The following LUC7L variants were observed in gnomAD, a reference collection of about 807,000 sequenced individuals.
LUC7L encodes the protein putative RNA-binding protein Luc7-like 1.
In LUC7L, 29 loss-of-function variants were observed where a neutral mutation model predicts 51.1. The ratio of observed to expected loss-of-function variants is 0.57; its 90% CI spans 0.42 to 0.77. LUC7L has a LOEUF of 0.77. LUC7L is among the 30% of genes least tolerant of loss of function. LUC7L has a pLI of 0.00. For synonymous variants in LUC7L, 181 were observed against 180.7 expected, an observed-to-expected ratio of 1.00 and a Z score of -0.01; for missense variants, 403 against 511.9, an observed-to-expected ratio of 0.79 and a Z score of 2.05.
chr16:189,873 C>A, intron 9 of LUC7L, 95 bp downstream of exon 9: 6 of 1,529,562 alleles, frequency 3.9e-6, no homozygotes, highest in Non-Finnish European at 5.3e-6. Flanking sequence ...GTGAGCCCAG[C>A]CCCATCCCCA....
chr16:192,896 C>G (rs1225509279), intron 7 of LUC7L, 31 bp downstream of exon 7: 1 of 1,576,602 alleles, frequency 6.3e-7, no homozygotes, highest in Non-Finnish European at 8.7e-7. Flanking sequence ...GAGGCCAATG[C>G]AGGCCATCCA....
At chr16:198,601 A>G (rs1835485709) in intron 6 of LUC7L, among the ~76,000 whole-genome samples, 1 of 152,132 alleles carries the variant, frequency 6.6e-6, no homozygotes, top group Non-Finnish European at 1.5e-5. Flanking sequence ...TTGGACTCTG[A>G]GCTATCATGT....
chr16:199,588 A>G (rs948067977), intron 5 of LUC7L, among the ~76,000 whole-genome samples: 6 of 151,764 alleles, frequency 4.0e-5, no homozygotes, highest in Non-Finnish European at 8.8e-5. Context: ...CCTGACCAAC[A>G]TGGAGAAACC....
intron 5 of LUC7L, among the ~76,000 whole-genome samples, chr16:200,808 G>A (rs1385281859): frequency 6.9e-6 from 1 of 144,342 alleles, no homozygotes; most frequent in Admixed American, 6.7e-5. Context: ...CTTGAGCCCA[G>A]GAGGTTGAAG....
chr16:201,120 G>A (rs2049311027), intron 5 of LUC7L, among the ~76,000 whole-genome samples: 1 of 140,510 alleles, frequency 7.1e-6, no homozygotes, highest in Admixed American at 7.6e-5. Flanking sequence ...AGTGAGCCGA[G>A]ATCGCACCAC....
At chr16:189,618 C>A in intron 9 of LUC7L, 1 of 1,322,764 alleles carries the variant, frequency 7.6e-7, no homozygotes, top group Non-Finnish European at 9.6e-7. Flanking sequence ...CATGACACTA[C>A]GTAAAAACAC....
In LUC7L at chr16:212,321, C is replaced by T. The variant is rs941729157; in HGVS notation, c.256-4133G>A. Among the ~76,000 whole-genome samples, 5 of 152,050 alleles carry T rather than the reference C, an allele frequency of 3.3e-5. No individual in the cohort carries two copies. The South Asian group carries it at 8.3e-4, about 25-fold the overall frequency. ...AAAACACAGCCGCAGAGGAGCTCGT[C>T]GGGTCTCCATTGCATGGATGATGAA... On this transcript the variant is annotated intron_variant, in intron 3 of 9. Transcript: ENST00000293872.
chr16:224,105 T>C (rs1318290167), intron 2 of LUC7L, among the ~76,000 whole-genome samples: 1 of 152,170 alleles, frequency 6.6e-6, no homozygotes, highest in Non-Finnish European at 1.5e-5. Context: ...GGCTTTGTTG[T>C]TCAAAGAAAA....
At chr16:226,967 A>G (rs2050147514) in intron 2 of LUC7L, among the ~76,000 whole-genome samples, 1 of 152,166 alleles carries the variant, frequency 6.6e-6, no homozygotes, top group Admixed American at 6.6e-5. Context: ...CCAGCTGCTC[A>G]AGAGGCTGAG....
At chr16:222,944 C>T (rs1350164316) in intron 2 of LUC7L, among the ~76,000 whole-genome samples, 7 of 141,026 alleles carry the variant, frequency 5.0e-5, no homozygotes, top group Non-Finnish European at 7.6e-5. Context: ...AAAGAGACCC[C>T]GTCTTTTAAA....
chr16:208,102 T>C lies in LUC7L; in HGVS notation c.342A>G (p.Glu114=). 2 of 1,613,510 alleles carry C rather than the reference T, an allele frequency of 1.2e-6. No individual in the cohort carries two copies. Among genetic ancestry groups the C allele is most frequent in the Non-Finnish European group, 1.7e-6 (2 of 1,179,764 alleles). ...CCTTTGCAGAAACTTCCGCACTGAT[T>C]TCCTCCTGTGTTTCTGCCAGCCGCT... is the stretch of plus-strand genomic sequence containing the variant. ...AKKRLAETQE[E]ISAEVSAKAE... The change falls in exon 4 of 10, where the codon GAA becomes GAG. Residue 114 remains glutamate, a synonymous_variant. Transcript: ENST00000293872.
At chr16:205,107 C>T (rs945736248) in intron 5 of LUC7L, among the ~76,000 whole-genome samples, 1 of 152,208 alleles carries the variant, frequency 6.6e-6, no homozygotes, top group Non-Finnish European at 1.5e-5. Context: ...TTTAATACTG[C>T]ACCTCTGCAC....
chr16:217,913 C>T (rs184570297), intron 3 of LUC7L, among the ~76,000 whole-genome samples: 52 of 151,088 alleles, frequency 3.4e-4, no homozygotes, highest in African/African-American at 1.2e-3. Context: ...GTGGCGGGTG[C>T]CTGTAATCAC....
At chr16:201,170 G>GAAAA (rs36033830) in intron 5 of LUC7L, among the ~76,000 whole-genome samples, 2 of 70,370 alleles carry the variant, frequency 2.8e-5, no homozygotes, top group African/African-American at 1.2e-4. Flanking sequence ...CTCTGTCTGA[G>GAAAA]AAAAAAAAAA....
intron 5 of LUC7L, among the ~76,000 whole-genome samples, chr16:202,724 G>A (rs2049369092): frequency 6.6e-6 from 1 of 151,806 alleles, no homozygotes. Flanking sequence ...AGATATGACT[G>A]TACTAATATC....
chr16:214,318 C>T (rs2049726898), intron 3 of LUC7L, among the ~76,000 whole-genome samples: 2 of 152,140 alleles, frequency 1.3e-5, no homozygotes, highest in Non-Finnish European at 2.9e-5. Flanking sequence ...CCTCAGCCTC[C>T]CAAAGTGCTG....
chr16:227,430 C>T, intron 1 of LUC7L, 94 bp from the exon 2 acceptor site: 1 of 1,515,762 alleles, frequency 6.6e-7, no homozygotes, highest in South Asian at 1.2e-5. Context: ...GATTTGCAGA[C>T]TATCATTTCT....
chr16:202,629 G>C (rs1479036958), intron 5 of LUC7L, among the ~76,000 whole-genome samples: 1 of 152,060 alleles, frequency 6.6e-6, no homozygotes, highest in Non-Finnish European at 1.5e-5. Context: ...TACCACCCAG[G>C]TTTGTTAAGC....
intron 3 of LUC7L, among the ~76,000 whole-genome samples, chr16:219,463 A>T (rs2049904112): frequency 6.6e-6 from 1 of 152,190 alleles, no homozygotes; most frequent in Non-Finnish European, 1.5e-5. Flanking sequence ...CATCTGTAGT[A>T]CTAGCTATTT....
Sources: allele counts gnomAD v4.1 joint callset (sites outside exome capture counted in the v4.1 genomes callset), GRCh38; gene constraint gnomAD v4.1.1; transcripts MANE v1.5; gene names NCBI Gene and HGNC (gene_info 2026-07-23, HGNC 2026-07-21).